Variants in DCAF1 observed in about 807,000 individuals in gnomAD.
DCAF1 encodes the protein DDB1 and CUL4 associated factor 1.
Under a neutral mutation model 128.0 loss-of-function variants are expected in DCAF1, and 15 were observed. The ratio of observed to expected loss-of-function variants is 0.12; its 90% CI spans 0.08 to 0.18. The LOEUF (loss-of-function observed/expected upper bound fraction) is 0.18. DCAF1 is among the 10% of genes least tolerant of loss of function. The pLI is 1.00. For synonymous variants in DCAF1, 610 were observed against 603.0 expected, an observed-to-expected ratio of 1.01 and a Z score of -0.17; for missense variants, 988 against 1,649.5, an observed-to-expected ratio of 0.60 and a Z score of 6.95.
chr3:51,451,408 G>A (rs1702338631), intron 6 of DCAF1, among the ~76,000 whole-genome samples: 1 of 151,912 alleles, frequency 6.6e-6, no homozygotes, highest in Non-Finnish European at 1.5e-5. Flanking sequence ...TTTGAGCTCA[G>A]GAGTTCAAGA....
chr3:51,424,144 A>C (rs1699690374), intron 13 of DCAF1, among the ~76,000 whole-genome samples: 1 of 151,966 alleles, frequency 6.6e-6, no homozygotes, highest in Non-Finnish European at 1.5e-5. Context: ...AAAAGAAAAA[A>C]CCGGCTGGGT....
chr3:51,482,017 T>TTTCAGTTTAAAACCA (rs1312386715), intron 3 of DCAF1, among the ~76,000 whole-genome samples: 6 of 152,100 alleles, frequency 3.9e-5, no homozygotes, highest in Admixed American at 2.6e-4. Context: ...AAAAAAAGTT[T>TTTCAGTTTAAAACCA]TTCAGTTTAA....
intron 5 of DCAF1, among the ~76,000 whole-genome samples, chr3:51,466,184 A>G (rs1328315965): frequency 6.6e-6 from 1 of 152,214 alleles, no homozygotes; most frequent in East Asian, 1.9e-4. Flanking sequence ...CCTAAGTAAC[A>G]GAGCCAGACC....
At chr3:51,430,923 C>T (rs371182407) in intron 10 of DCAF1, among the ~76,000 whole-genome samples, 28 of 152,290 alleles carry the variant, frequency 1.8e-4, no homozygotes, top group East Asian at 5.8e-4. Flanking sequence ...ATAGAAGTAA[C>T]AAGAGCTTTG....
chr3:51,450,952 C>A (rs532129644), intron 6 of DCAF1, among the ~76,000 whole-genome samples: 1 of 150,190 alleles, frequency 6.7e-6, no homozygotes, highest in Admixed American at 6.7e-5. Context: ...AGACTCCATA[C>A]ACAAAAAAAC....
Position 51,418,285 on chromosome 3 carries a change from C to T in DCAF1, c.3436-87G>A, listed in dbSNP as rs549089324. 6 of 1,512,712 alleles carry T rather than the reference C, an allele frequency of 4.0e-6. No individual in the cohort carries two copies. The African/African-American group carries it at 4.2e-5, about 11-fold the overall frequency. The allele number at this position is 1,512,712 out of a possible 1,614,324, so 93.7% of individuals were successfully genotyped here. On this transcript the variant is annotated intron_variant, in intron 16 of 24. Transcript: ENST00000684031. ...TGCCATTAGCATTTTTAAAGATTTG[C>T]ATAAAAATGTTGTTGAATTAAAGAG...
At position 51,416,655 on chromosome 3, in the gene DCAF1, G is replaced by C; in HGVS notation, c.3603+132C>G. 5 of 1,300,554 alleles carry C rather than the reference G, an allele frequency of 3.8e-6. No individual in the cohort carries two copies. In the South Asian group the frequency reaches 5.4e-5, roughly 14 times the overall value. 80.6% of individuals were successfully genotyped at this position (1,300,554 alleles called of 1,614,324 possible). On this transcript the variant is annotated intron_variant, in intron 18 of 24. Coordinates refer to ENST00000684031, the MANE Select transcript of DCAF1 (RefSeq NM_001387579.1). ...TCAGAACTATATTATCATACTTTTA[G>C]ATTCTAACTAGAAGGAATATCACTG...
At chr3:51,481,393 G>A (rs185126767) in intron 3 of DCAF1, among the ~76,000 whole-genome samples, 131 of 152,248 alleles carry the variant, frequency 8.6e-4, no homozygotes, top group Admixed American at 1.8e-3. Context: ...GTCAAGACAT[G>A]AGCAATACCT....
At chr3:51,481,928 T>C (rs1577294797) in intron 3 of DCAF1, among the ~76,000 whole-genome samples, 1 of 150,898 alleles carries the variant, frequency 6.6e-6, no homozygotes, top group African/African-American at 2.4e-5. Context: ...CAGGTGGAGG[T>C]TGTGGTGAGC....
intron 23 of DCAF1, among the ~76,000 whole-genome samples, chr3:51,411,623 TTACCTA>T (rs1394324916): frequency 1.3e-5 from 2 of 152,206 alleles, no homozygotes; most frequent in Non-Finnish European, 2.9e-5. Context: ...AAATCTTATC[TTACCTA>T]TAAGTTCAAC....
chr3:51,491,683 C>T (rs1472151044), intron 2 of DCAF1, among the ~76,000 whole-genome samples: 1 of 152,040 alleles, frequency 6.6e-6, no homozygotes, highest in Non-Finnish European at 1.5e-5. Context: ...CCCATCTCTA[C>T]TAAAATACAA....
chr3:51,461,683 C>G (rs1337639743), intron 6 of DCAF1, among the ~76,000 whole-genome samples: 3 of 152,112 alleles, frequency 2.0e-5, no homozygotes, highest in Non-Finnish European at 4.4e-5. Flanking sequence ...CAACGATAGA[C>G]TGGATTAAGA....
chr3:51,439,343 G>GTCTCAAAC (rs1398763022), intron 9 of DCAF1, among the ~76,000 whole-genome samples: 1 of 151,292 alleles, frequency 6.6e-6, no homozygotes, highest in Non-Finnish European at 1.5e-5. Context: ...GACTAAGCTG[G>GTCTCAAAC]TCTCAAACTC....
At chr3:51,446,618 G>A (rs573665161) in intron 6 of DCAF1, among the ~76,000 whole-genome samples, 92 of 150,988 alleles carry the variant, frequency 6.1e-4, no homozygotes, top group Middle Eastern at 3.4e-3. Flanking sequence ...GTGACAAAGC[G>A]AGACCCCATG....
intron 3 of DCAF1, among the ~76,000 whole-genome samples, chr3:51,482,256 G>A (rs1553653113): frequency 6.7e-6 from 1 of 150,056 alleles, no homozygotes; most frequent in African/African-American, 2.5e-5. Flanking sequence ...ACCAGACTGG[G>A]TAACACAGGG....
chr3:51,491,334 G>A (rs575756472), intron 2 of DCAF1, among the ~76,000 whole-genome samples: 6 of 148,082 alleles, frequency 4.1e-5, no homozygotes, highest in South Asian at 2.1e-4. Flanking sequence ...GCAACAGAGC[G>A]AGACTATGTC....
intron 18 of DCAF1, among the ~76,000 whole-genome samples, chr3:51,415,180 CTCATA>C (rs1698769707): frequency 6.6e-6 from 1 of 152,120 alleles, no homozygotes; most frequent in South Asian, 2.1e-4. Flanking sequence ...CCTTGATGAT[CTCATA>C]TAAGTTCATG....
downstream of DCAF1, chr3:51,397,830 G>A (rs1358336838): frequency 1.2e-5 from 2 of 166,874 alleles, no homozygotes; most frequent in Admixed American, 1.3e-4. Flanking sequence ...AAGAAAATAG[G>A]GAAAGGCCAT....
chr3:51,475,417 T>C (rs1175120786), intron 3 of DCAF1, among the ~76,000 whole-genome samples: 2 of 150,838 alleles, frequency 1.3e-5, no homozygotes, highest in Non-Finnish European at 2.9e-5. Flanking sequence ...GCCTGGACAA[T>C]ATAGTGAAAT....
Sources: allele counts gnomAD v4.1 joint callset (sites outside exome capture counted in the v4.1 genomes callset), GRCh38; gene constraint gnomAD v4.1.1; transcripts MANE v1.5; gene names NCBI Gene and HGNC (gene_info 2026-07-23, HGNC 2026-07-21).